Variants in ESR1 observed in about 807,000 individuals in gnomAD.
ESR1 encodes the protein estrogen receptor 1.
ESR1 carries 12 observed loss-of-function variants against 52.7 expected under a neutral mutation model. That is an observed-to-expected ratio of 0.23 (90% CI 0.15 to 0.37). ESR1 has a LOEUF of 0.37. ESR1 is among the 10% of genes least tolerant of loss of function. The pLI, the probability that ESR1 is intolerant of heterozygous loss-of-function variation, is 1.00. For missense variants in ESR1, 584 were observed against 779.7 expected (o/e 0.75, Z 2.99); for synonymous variants, 305 against 316.8 (o/e 0.96, Z 0.39).
At chr6:151,905,677 G>T (rs9340876) in intron 3 of ESR1, among the ~76,000 whole-genome samples, 1 of 152,094 alleles carries the variant, frequency 6.6e-6, no homozygotes, top group Non-Finnish European at 1.5e-5. Context: ...ATGTTCAGCT[G>T]CTCTTAGAGT....
chr6:151,772,190 G>A (rs1197944488), intron 2 of ESR1, among the ~76,000 whole-genome samples: 5 of 152,130 alleles, frequency 3.3e-5, no homozygotes, highest in Non-Finnish European at 7.3e-5. Context: ...TATTGAATTG[G>A]AACAGGAATG....
chr6:152,097,101 C>T (rs9341059), intron 7 of ESR1, among the ~76,000 whole-genome samples: 1,587 of 152,178 alleles, frequency 0.01, 20 homozygotes, highest in African/African-American at 0.036. Context: ...CTGTTGGAAT[C>T]GTGTGAAAAG....
At chr6:151,936,520 T>G (rs2128499414) in intron 3 of ESR1, among the ~76,000 whole-genome samples, 1 of 152,312 alleles carries the variant, frequency 6.6e-6, no homozygotes. Context: ...AATTGACAGT[T>G]TGTTAATGAG....
chr6:151,973,901 G>T (rs897352663), intron 4 of ESR1, among the ~76,000 whole-genome samples: 2 of 152,092 alleles, frequency 1.3e-5, no homozygotes, highest in African/African-American at 4.8e-5. Flanking sequence ...TACCTAAAAG[G>T]GTTGTTTTTC....
chr6:151,766,912 C>T (rs1216315136), intron 2 of ESR1, among the ~76,000 whole-genome samples: 20 of 152,172 alleles, frequency 1.3e-4, no homozygotes, highest in Admixed American at 1.3e-3. Context: ...AGTACAATAC[C>T]TGTCATCTCG....
At chr6:152,125,215 T>C (rs1452626256) in intron 6 of ESR1, 3 of 1,533,288 alleles carry the variant, frequency 2.0e-6, no homozygotes, top group Non-Finnish European at 2.6e-6. Context: ...GTTTTGCTGG[T>C]TGGTGATAGG....
In ESR1 at chr6:151,852,637, G is replaced by GTTT. The variant is rs1562478081; in HGVS notation, c.643+9851_643+9852insTTT. Among the ~76,000 whole-genome samples the GTTT allele has an allele frequency of 6.0e-5, 6 of 100,764 alleles. No homozygotes were observed. In the East Asian group the frequency reaches 8.3e-4, roughly 14 times the overall value. The allele number at this position is 100,764 out of a possible 152,430, so 66.1% of individuals were successfully genotyped here. On this transcript the variant is annotated intron_variant, in intron 2 of 7. Coordinates refer to ENST00000206249, the MANE Select transcript of ESR1 (RefSeq NM_000125.4). ...TGATGTCCAAACAAGAACCAAGCAG[G>GTTT]TGTTTTTTTTTTTTTTTTTGCAGAT...
At chr6:151,953,711 TA>T (rs796967381) in intron 4 of ESR1, among the ~76,000 whole-genome samples, 286 of 141,646 alleles carry the variant, frequency 2.0e-3, no homozygotes, top group Middle Eastern at 0.011. Context: ...AGACTCCGTC[TA>T]AAAAAAAAAA....
chr6:152,042,359 C>G (rs1356223321), intron 5 of ESR1, among the ~76,000 whole-genome samples: 1 of 152,162 alleles, frequency 6.6e-6, no homozygotes, highest in East Asian at 1.9e-4. Context: ...TAACTGATCT[C>G]CAAAAGCCCC....
chr6:151,713,024 T>A (rs1310314431), intron 2 of ESR1, among the ~76,000 whole-genome samples: 1 of 152,200 alleles, frequency 6.6e-6, no homozygotes, highest in Non-Finnish European at 1.5e-5. Context: ...CAATGCCTAC[T>A]TTGTTGAGAG....
intron 3 of ESR1, among the ~76,000 whole-genome samples, chr6:151,905,571 TCTAA>T (rs1797310650): frequency 6.6e-6 from 1 of 152,154 alleles, no homozygotes; most frequent in East Asian, 1.9e-4. Context: ...GAAATATTCC[TCTAA>T]CTAAAGTTTG....
upstream of ESR1, among the ~76,000 whole-genome samples, chr6:151,688,318 T>A (rs1205496761): frequency 6.6e-6 from 1 of 152,202 alleles, no homozygotes; most frequent in African/African-American, 2.4e-5. Flanking sequence ...TGTCCTTGTG[T>A]GTAATTCCTT....
At chr6:151,991,249 A>G (rs2040983392) in intron 4 of ESR1, among the ~76,000 whole-genome samples, 1 of 152,222 alleles carries the variant, frequency 6.6e-6, no homozygotes, top group Middle Eastern at 3.2e-3. Context: ...GATCTTGAAT[A>G]GCCTCATGTT....
intron 2 of ESR1, among the ~76,000 whole-genome samples, chr6:151,793,887 A>C (rs1026778364): frequency 6.6e-6 from 1 of 152,242 alleles, no homozygotes; most frequent in Non-Finnish European, 1.5e-5. Flanking sequence ...CCCAGAGAGA[A>C]ATTAAACCTG....
chr6:152,087,220 A>G (rs1242014828), intron 6 of ESR1, among the ~76,000 whole-genome samples: 3 of 152,228 alleles, frequency 2.0e-5, no homozygotes, highest in African/African-American at 7.2e-5. Flanking sequence ...TGTGGTTTCC[A>G]TAACAAAGTG....
chr6:151,791,368 C>G (rs188228470), intron 2 of ESR1, among the ~76,000 whole-genome samples: 1 of 152,274 alleles, frequency 6.6e-6, no homozygotes, highest in Non-Finnish European at 1.5e-5. Flanking sequence ...TTCTCTTTCA[C>G]GAGCTCTCTT....
intron 3 of ESR1, among the ~76,000 whole-genome samples, chr6:151,907,785 C>A (rs988411235): frequency 8.6e-5 from 13 of 152,028 alleles, no homozygotes; most frequent in African/African-American, 3.1e-4. Flanking sequence ...TCATGACTTT[C>A]GCCATATATT....
intron 1 of ESR1, among the ~76,000 whole-genome samples, chr6:151,811,701 T>C (rs1194507267): frequency 2.0e-5 from 3 of 152,188 alleles, no homozygotes; most frequent in Non-Finnish European, 4.4e-5. Context: ...TTAGATAACA[T>C]TTCAGCCCCC....
exon 7 of ESR1, chr6:152,127,553 G>A (rs2053922822): frequency 6.6e-6 from 1 of 152,112 alleles, no homozygotes; most frequent in South Asian, 2.1e-4. Flanking sequence ...TATTAATAGT[G>A]CTTTCAAGCA....
Sources: allele counts gnomAD v4.1 joint callset (sites outside exome capture counted in the v4.1 genomes callset), GRCh38; gene constraint gnomAD v4.1.1; transcripts MANE v1.5; gene names NCBI Gene and HGNC (gene_info 2026-07-23, HGNC 2026-07-21).